The following FRMD4A variants were observed in gnomAD, a reference collection of about 807,000 sequenced individuals.
The protein encoded by FRMD4A is FERM domain containing 4A.
Under a neutral mutation model 129.1 loss-of-function variants are expected in FRMD4A, and 29 were observed. That is an observed-to-expected ratio of 0.22 (90% CI 0.17 to 0.31). The LOEUF (loss-of-function observed/expected upper bound fraction) is 0.31. Ranked by LOEUF, FRMD4A falls within the 10% of genes least tolerant of loss-of-function variation. The pLI is 1.00. For missense variants in FRMD4A, 1,272 were observed against 1,375.8 expected (o/e 0.92, Z 1.19); for synonymous variants, 634 against 571.6 (o/e 1.11, Z -1.56).
At chr10:13,660,625 C>T (rs1324963098) in intron 19 of FRMD4A, 72 bp from the exon 20 acceptor site, 2 of 889,786 alleles carry the variant, frequency 2.2e-6, no homozygotes, top group Non-Finnish European at 3.6e-6. Flanking sequence ...AACCCCTACA[C>T]CCCTCCACCC....
chr10:14,118,811 T>C (rs1838338601), intron 2 of FRMD4A, among the ~76,000 whole-genome samples: 1 of 152,170 alleles, frequency 6.6e-6, no homozygotes, highest in South Asian at 2.1e-4. Flanking sequence ...GGCCCCACCC[T>C]TGACATGTGG....
intron 3 of FRMD4A, among the ~76,000 whole-genome samples, chr10:13,828,310 C>A (rs2093734267): frequency 6.6e-6 from 1 of 152,150 alleles, no homozygotes; most frequent in Non-Finnish European, 1.5e-5. Flanking sequence ...TCATCCCTCA[C>A]CCCCTCCCAC....
chr10:13,762,550 A>G (rs1588602775), intron 7 of FRMD4A, 74 bp downstream of exon 7: 3 of 846,840 alleles, frequency 3.5e-6, no homozygotes, highest in East Asian at 4.9e-5. Flanking sequence ...GCTACTGGCT[A>G]TGCCTGGTAA....
chr10:13,779,567 T>C (rs17153988), intron 6 of FRMD4A, among the ~76,000 whole-genome samples: 1 of 152,170 alleles, frequency 6.6e-6, no homozygotes, highest in Non-Finnish European at 1.5e-5. Flanking sequence ...AGGTAAGAGG[T>C]AGAACTTAAG....
intron 2 of FRMD4A, among the ~76,000 whole-genome samples, chr10:14,261,278 C>T (rs534006735): frequency 4.6e-4 from 70 of 152,100 alleles, no homozygotes; most frequent in Non-Finnish European, 8.7e-4. Context: ...TGCTTATGTG[C>T]TTGATTATAA....
intron 2 of FRMD4A, among the ~76,000 whole-genome samples, chr10:14,120,098 T>C (rs1383035865): frequency 1.3e-5 from 2 of 150,696 alleles, no homozygotes; most frequent in South Asian, 2.1e-4. Flanking sequence ...GGCCTGACAA[T>C]GGGTCCACTT....
At chr10:13,928,035 T>G (rs1436759917) in intron 2 of FRMD4A, among the ~76,000 whole-genome samples, 2 of 107,568 alleles carry the variant, frequency 1.9e-5, no homozygotes, top group African/African-American at 6.8e-5. Flanking sequence ...TTTTTTTTTT[T>G]TCTGAGACAG....
Position 14,192,234 on chromosome 10 carries a change from T to G in FRMD4A, c.45+137824A>C, listed in dbSNP as rs187594896. Among the ~76,000 whole-genome samples, 879 of 152,368 alleles carry G rather than the reference T, an allele frequency of 5.8e-3. 10 individuals carry two copies. The highest frequency in any genetic ancestry group is 0.02 in the African/African-American group (825 of 41,580). Reference sequence around the variant, plus strand: ...ATATCTAATTCTCCACTTTTTTCTTTGTAAGAATTGCTAACTGGGTTTTGT... The same window carrying G: ...ATATCTAATTCTCCACTTTTTTCTTGGTAAGAATTGCTAACTGGGTTTTGT... On this transcript the variant is annotated intron_variant, in intron 2 of 24. Transcript: ENST00000357447.
At chr10:14,178,293 A>G (rs1203990903) in intron 2 of FRMD4A, among the ~76,000 whole-genome samples, 1 of 152,200 alleles carries the variant, frequency 6.6e-6, no homozygotes, top group African/African-American at 2.4e-5. Context: ...AAAGTATTTT[A>G]TTTTAGACTA....
chr10:14,008,254 A>T, intron 2 of FRMD4A: 1 of 1,111,640 alleles, frequency 9.0e-7, no homozygotes, highest in Non-Finnish European at 1.1e-6. Flanking sequence ...AAAATAAGTT[A>T]TGGTCTCCTG....
At chr10:13,958,281 G>GTTTTTTTTTTTTTTTTTTT (rs35369777) in intron 2 of FRMD4A, among the ~76,000 whole-genome samples, 1 of 104,660 alleles carries the variant, frequency 9.6e-6, no homozygotes, top group African/African-American at 3.8e-5. Flanking sequence ...CATGACCATT[G>GTTTTTTTTTTTTTTTTTTT]TTTTTTTTTT....
chr10:13,965,603 A>G (rs2095480828), intron 2 of FRMD4A, among the ~76,000 whole-genome samples: 1 of 152,232 alleles, frequency 6.6e-6, no homozygotes, highest in African/African-American at 2.4e-5. Flanking sequence ...CTTACTCTCA[A>G]CAGCATGTTC....
chr10:13,909,648 T>G (rs2094920882), intron 2 of FRMD4A, among the ~76,000 whole-genome samples: 1 of 152,246 alleles, frequency 6.6e-6, no homozygotes, highest in Non-Finnish European at 1.5e-5. Flanking sequence ...GTCTCTTGTG[T>G]AATAAAATAA....
At chr10:13,800,407 A>T (rs56403750) in intron 4 of FRMD4A, among the ~76,000 whole-genome samples, 2 of 152,140 alleles carry the variant, frequency 1.3e-5, no homozygotes, top group Non-Finnish European at 2.9e-5. Context: ...TATGATAAAC[A>T]GTCTGATGGG....
At chr10:13,890,650 G>A (rs1315259640) in intron 2 of FRMD4A, 2 of 985,248 alleles carry the variant, frequency 2.0e-6, no homozygotes, top group East Asian at 1.1e-4. Flanking sequence ...GATTCGAACT[G>A]AAAGAAGCCA....
chr10:14,155,980 A>G (rs1205823460), intron 2 of FRMD4A, among the ~76,000 whole-genome samples: 1 of 152,210 alleles, frequency 6.6e-6, no homozygotes, highest in Non-Finnish European at 1.5e-5. Context: ...GGAGAGCAAT[A>G]TAGTAAATGT....
At chr10:13,708,989 C>G (rs1338037448) in intron 12 of FRMD4A, among the ~76,000 whole-genome samples, 3 of 152,004 alleles carry the variant, frequency 2.0e-5, no homozygotes, top group African/African-American at 7.2e-5. Context: ...CTGAGACAGA[C>G]TCTCACTGTG....
chr10:14,002,074 A>G (rs921344327), intron 2 of FRMD4A, among the ~76,000 whole-genome samples: 1 of 152,222 alleles, frequency 6.6e-6, no homozygotes, highest in Non-Finnish European at 1.5e-5. Context: ...GGAATAACAC[A>G]TCATATAATG....
chr10:13,933,795 G>A (rs1409187152), intron 2 of FRMD4A, among the ~76,000 whole-genome samples: 2 of 152,164 alleles, frequency 1.3e-5, no homozygotes, highest in African/African-American at 4.8e-5. Context: ...AGATAGAAAG[G>A]AAGCAGCTTC....
Sources: allele counts gnomAD v4.1 joint callset (sites outside exome capture counted in the v4.1 genomes callset), GRCh38; gene constraint gnomAD v4.1.1; transcripts MANE v1.5; gene names NCBI Gene and HGNC (gene_info 2026-07-23, HGNC 2026-07-21).